The following SHANK2 variants were observed in gnomAD, a reference collection of about 807,000 sequenced individuals.
The protein encoded by SHANK2 is SH3 and multiple ankyrin repeat domains 2, also known as SH3 and multiple ankyrin repeat domains protein 2.
Under a neutral mutation model 133.7 loss-of-function variants are expected in SHANK2, and 43 were observed. That is an observed-to-expected ratio of 0.32 (90% confidence interval 0.25 to 0.41). The LOEUF (loss-of-function observed/expected upper bound fraction) is 0.41, where lower values mean the gene tolerates loss of function less well. Ranked by LOEUF, SHANK2 falls within the 10% of genes least tolerant of loss-of-function variation. The pLI is 1.00. For missense variants in SHANK2, 1,994 were observed against 2,235.8 expected (o/e 0.89, Z 2.18); for synonymous variants, 1,017 against 952.8 (o/e 1.07, Z -1.24).
intron 10 of SHANK2, among the ~76,000 whole-genome samples, chr11:70,902,513 C>T (rs1950037751): frequency 6.6e-6 from 1 of 152,186 alleles, no homozygotes; most frequent in South Asian, 2.1e-4. Context: ...AGGGGGCTCC[C>T]CTTAGCTCTT....
chr11:70,793,972 G>T (rs1465795778), intron 14 of SHANK2, among the ~76,000 whole-genome samples: 2 of 152,138 alleles, frequency 1.3e-5, no homozygotes, highest in Non-Finnish European at 2.9e-5. Flanking sequence ...TAAAACACTA[G>T]CCAGCAATAA....
At chr11:71,220,791 T>C (rs1010744579) in intron 2 of SHANK2, among the ~76,000 whole-genome samples, 1 of 150,860 alleles carries the variant, frequency 6.6e-6, no homozygotes, top group Non-Finnish European at 1.5e-5. Flanking sequence ...GGAGGGAGGG[T>C]TCAATGCGGA....
At chr11:71,125,435 G>C (rs1339449498) in intron 3 of SHANK2, among the ~76,000 whole-genome samples, 8 of 152,214 alleles carry the variant, frequency 5.3e-5, no homozygotes, top group Non-Finnish European at 8.8e-5. Context: ...GAGAAGGTTT[G>C]AGTCACCAAA....
intron 8 of SHANK2, among the ~76,000 whole-genome samples, chr11:71,088,399 G>A (rs1951447678): frequency 6.6e-6 from 1 of 152,156 alleles, no homozygotes. Flanking sequence ...ACATTGAGTG[G>A]TTTCTATGGT....
chr11:70,863,267 T>A (rs1555068175), intron 11 of SHANK2: 1 of 453,284 alleles, frequency 2.2e-6, no homozygotes, highest in East Asian at 7.0e-5. Context: ...CCCCATGACA[T>A]GGCTGTCTCT....
intron 11 of SHANK2, among the ~76,000 whole-genome samples, chr11:70,880,281 C>T (rs1229385606): frequency 1.3e-5 from 2 of 152,186 alleles, no homozygotes; most frequent in African/African-American, 2.4e-5. Flanking sequence ...GGCAGGTGCA[C>T]TAATCGGGCA....
intron 8 of SHANK2, among the ~76,000 whole-genome samples, chr11:71,076,396 G>C (rs1001994976): frequency 2.0e-5 from 3 of 151,984 alleles, no homozygotes; most frequent in Non-Finnish European, 2.9e-5. Context: ...CACCTTCTCA[G>C]GGTCCACGAG....
chr11:70,889,891 C>T (rs1459557141), intron 11 of SHANK2, among the ~76,000 whole-genome samples: 2 of 152,160 alleles, frequency 1.3e-5, no homozygotes, highest in Non-Finnish European at 1.5e-5. Context: ...GAGGCAGACG[C>T]AGCTGGAAGA....
chr11:70,815,735 G>C (rs555211650), intron 12 of SHANK2, among the ~76,000 whole-genome samples: 1 of 152,286 alleles, frequency 6.6e-6, no homozygotes, highest in South Asian at 2.1e-4. Flanking sequence ...GGGGGCCCTG[G>C]GGAGGCTGGG....
chr11:70,541,342 A>C (rs2059619454), intron 17 of SHANK2, among the ~76,000 whole-genome samples: 1 of 152,188 alleles, frequency 6.6e-6, no homozygotes, highest in Admixed American at 6.5e-5. Flanking sequence ...CGGGAACAGT[A>C]GGAATAGCCA....
intron 14 of SHANK2, among the ~76,000 whole-genome samples, chr11:70,779,162 A>G (rs1947430406): frequency 1.3e-5 from 2 of 151,998 alleles, no homozygotes; most frequent in Admixed American, 1.3e-4. Flanking sequence ...GAACCCAAGC[A>G]TGGAAGCTGG....
chr11:70,496,988 C>T, intron 21 of SHANK2: 2 of 456,728 alleles, frequency 4.4e-6, no homozygotes, highest in South Asian at 1.5e-5. Context: ...CTGTTTTAAA[C>T]CTTTCCCTTC....
At chr11:70,895,178 T>C (rs782624605) in intron 11 of SHANK2, among the ~76,000 whole-genome samples, 55 of 152,212 alleles carry the variant, frequency 3.6e-4, no homozygotes, top group Non-Finnish European at 7.3e-4. Flanking sequence ...ACGCAAGCCA[T>C]GCATCTGGCT....
At chr11:70,737,534 C>T (rs1946430049) in intron 14 of SHANK2, among the ~76,000 whole-genome samples, 1 of 152,218 alleles carries the variant, frequency 6.6e-6, no homozygotes, top group South Asian at 2.1e-4. Flanking sequence ...TCGCTCCAGA[C>T]ATCCCTGGCC....
intron 21 of SHANK2, among the ~76,000 whole-genome samples, chr11:70,494,972 A>G (rs540734): frequency 0.97 from 148,070 of 152,304 alleles, 72,129 homozygotes; most frequent in East Asian, 1. Context: ...CTCCTTGGGG[A>G]CCTTGTCATT....
chr11:71,142,422 A>C (rs1952573525), intron 3 of SHANK2, among the ~76,000 whole-genome samples: 1 of 152,110 alleles, frequency 6.6e-6, no homozygotes, highest in South Asian at 2.1e-4. Flanking sequence ...AATCACTTGA[A>C]CCCAGGAGGC....
chr11:71,153,390 G>C (rs184961863), intron 2 of SHANK2, among the ~76,000 whole-genome samples: 1 of 152,082 alleles, frequency 6.6e-6, no homozygotes, highest in African/African-American at 2.4e-5. Context: ...AGCTACTAAC[G>C]AGGAGAAAAG....
chr11:71,193,126 A>T (rs185107523), intron 2 of SHANK2, among the ~76,000 whole-genome samples: 1 of 152,330 alleles, frequency 6.6e-6, no homozygotes, highest in East Asian at 1.9e-4. Context: ...CAATGCAGAG[A>T]CATAACTCTG....
rs537500582 is a variant in SHANK2 at position 70,485,303 on chromosome 11, C to T, written c.4979+11G>A. 8.7e-5 allele frequency: 141 copies of T among 1,611,972 alleles called. No individual in the cohort carries two copies. In the East Asian group the frequency reaches 9.1e-4, roughly 10 times the overall value. ...CAGAGCGGTGTGCATGTGCACCAAC[C>T]GCGGACTTACCTTGGAGCGAGGCTG... On this transcript the variant is annotated intron_variant, in intron 25 of 25. Transcript: ENST00000601538. The surrounding 1 kb of genome is among the most constrained non-coding windows in gnomAD (Gnocchi z 5.8).
Sources: gnomAD v4.1 joint callset for allele counts (sites outside exome capture counted in the v4.1 genomes callset) on GRCh38, gnomAD v4.1.1 for gene constraint, Gnocchi (gnomAD v3.1) non-coding constraint, MANE v1.5 for transcripts, NCBI Gene and HGNC (gene_info 2026-07-23, HGNC 2026-07-21) for gene names.